The following CDK6 variants were observed in gnomAD, a reference collection of about 807,000 sequenced individuals.
CDK6 encodes the protein cyclin-dependent kinase 6.
In CDK6, 6 loss-of-function variants were observed where a neutral mutation model predicts 37.1. The ratio of observed to expected loss-of-function variants is 0.16; its 90% CI spans 0.09 to 0.32. The LOEUF is 0.32. CDK6 is among the 10% of genes least tolerant of loss of function. The pLI is 1.00. For missense variants in CDK6, 224 were observed against 418.9 expected (o/e 0.53, Z 4.06); for synonymous variants, 160 against 161.3 (o/e 0.99, Z 0.06).
intron 3 of CDK6, among the ~76,000 whole-genome samples, chr7:92,728,937 T>C (rs115232354): frequency 0.025 from 3,857 of 152,232 alleles, 175 homozygotes; most frequent in African/African-American, 0.089. Flanking sequence ...TGTGAACCTG[T>C]AATAAGCATG....
chr7:92,688,514 T>C (rs1035419212), intron 4 of CDK6, among the ~76,000 whole-genome samples: 2 of 151,040 alleles, frequency 1.3e-5, no homozygotes, highest in African/African-American at 4.9e-5. Context: ...TATGTCGGAC[T>C]TAGCAAACTC....
intron 4 of CDK6, among the ~76,000 whole-genome samples, chr7:92,709,880 G>A (rs568302492): frequency 5.9e-5 from 9 of 152,232 alleles, no homozygotes; most frequent in African/African-American, 2.2e-4. Context: ...TGGTGGGTGT[G>A]GTAAGCAATC....
chr7:92,626,859 GATTTAGTTTTA>G (rs2116502613), intron 5 of CDK6, among the ~76,000 whole-genome samples: 1 of 152,098 alleles, frequency 6.6e-6, no homozygotes, highest in Admixed American at 6.6e-5. Context: ...GAAGGTAACT[GATTTAGTTTTA>G]AATATTTTCC....
intron 5 of CDK6, among the ~76,000 whole-genome samples, chr7:92,668,772 A>C (rs556937066): frequency 5.9e-5 from 9 of 152,140 alleles, no homozygotes; most frequent in Non-Finnish European, 1.3e-4. Context: ...CATAAGTAAG[A>C]AGCATGACAC....
At chr7:92,812,314 T>C (rs367805500) in intron 2 of CDK6, among the ~76,000 whole-genome samples, 1 of 152,214 alleles carries the variant, frequency 6.6e-6, no homozygotes, top group African/African-American at 2.4e-5. Context: ...ACATTTGACC[T>C]CCTCTCTTAG....
At chr7:92,728,767 T>G (rs967849757) in intron 3 of CDK6, among the ~76,000 whole-genome samples, 7 of 152,230 alleles carry the variant, frequency 4.6e-5, no homozygotes, top group Non-Finnish European at 8.8e-5. Context: ...ACTTAAATTT[T>G]TTTTTTGTTT....
At chr7:92,794,115 T>C (rs1173342239) in intron 2 of CDK6, among the ~76,000 whole-genome samples, 1 of 152,160 alleles carries the variant, frequency 6.6e-6, no homozygotes, top group Non-Finnish European at 1.5e-5. Context: ...GATAAAGAAG[T>C]GTGTTCTGCT....
intron 4 of CDK6, among the ~76,000 whole-genome samples, chr7:92,724,128 C>T (rs879384385): frequency 2.0e-5 from 3 of 152,094 alleles, no homozygotes; most frequent in Admixed American, 6.6e-5. Flanking sequence ...CCCAGGGCCC[C>T]AAAACAACAT....
chr7:92,624,850 T>C (rs1795889353), intron 5 of CDK6, among the ~76,000 whole-genome samples: 1 of 152,166 alleles, frequency 6.6e-6, no homozygotes, highest in Admixed American at 6.6e-5. Context: ...AGGAGAAATG[T>C]AGTAGTACAA....
chr7:92,685,215 T>C (rs1465492755), intron 4 of CDK6, among the ~76,000 whole-genome samples: 3 of 152,222 alleles, frequency 2.0e-5, no homozygotes, highest in Non-Finnish European at 4.4e-5. Flanking sequence ...TTTCTTAAAA[T>C]TGTCTCAGTT....
chr7:92,821,480 C>T (rs546209360), intron 2 of CDK6, among the ~76,000 whole-genome samples: 1 of 152,056 alleles, frequency 6.6e-6, no homozygotes, highest in African/African-American at 2.4e-5. Context: ...CAATATTAAC[C>T]AGAAAAATTG....
At chr7:92,684,770 T>TGACATGGGCAGCTGGTGAGATG in intron 4 of CDK6, among the ~76,000 whole-genome samples, 2 of 152,148 alleles carry the variant, frequency 1.3e-5, no homozygotes, top group Non-Finnish European at 2.9e-5. Context: ...AGACTAGAGC[T>TGACATGGGCAGCTGGTGAGATG]GTGGAAATAG....
intron 4 of CDK6, among the ~76,000 whole-genome samples, chr7:92,673,450 T>C (rs1474168697): frequency 1.3e-5 from 2 of 152,262 alleles, no homozygotes; most frequent in Middle Eastern, 3.4e-3. Context: ...GGGATGGTTG[T>C]GATATAATAG....
intron 2 of CDK6, among the ~76,000 whole-genome samples, chr7:92,813,874 G>A (rs1294583362): frequency 6.6e-6 from 1 of 152,052 alleles, no homozygotes; most frequent in Non-Finnish European, 1.5e-5. Context: ...GACTGGCTGA[G>A]ACTTCATAGG....
Position 92,833,185 on chromosome 7 carries a change from C to A in CDK6, c.139G>T (p.Val47Leu). 1.2e-6 allele frequency: 2 copies of A among 1,609,496 alleles called. No individual in the cohort carries two copies. The highest frequency in any genetic ancestry group is 1.7e-6 in the Non-Finnish European group (2 of 1,178,596). ...GRFVALKRVR[V>L]QTGEEGMPLS... ...GGCATGCCCTCCTCGCCGGTCTGCA[C>A]CCGCACGCGCTTCAACGCCACGAAA... Residue 47 changes from valine to leucine, a missense_variant, in exon 2 of 8, where the codon GTG becomes TTG. Physicochemically the swap from Val to Leu is conservative, Grantham distance 32. Coordinates refer to ENST00000424848, the MANE Select transcript of CDK6 (RefSeq NM_001145306.2). The surrounding 1 kb of genome is among the most constrained non-coding windows in gnomAD (Gnocchi z 6.1).
At chr7:92,828,291 T>A (rs991798107) in intron 2 of CDK6, among the ~76,000 whole-genome samples, 2 of 152,216 alleles carry the variant, frequency 1.3e-5, no homozygotes, top group African/African-American at 2.4e-5. Context: ...TTTATCGTTA[T>A]GTCATTCATT....
intron 2 of CDK6, among the ~76,000 whole-genome samples, chr7:92,809,404 T>C (rs1184019475): frequency 6.6e-6 from 1 of 152,240 alleles, no homozygotes; most frequent in Non-Finnish European, 1.5e-5. Context: ...AGACCTATTC[T>C]GGACCATTCA....
At chr7:92,741,337 T>G (rs1798922627) in intron 3 of CDK6, among the ~76,000 whole-genome samples, 1 of 152,202 alleles carries the variant, frequency 6.6e-6, no homozygotes, top group Non-Finnish European at 1.5e-5. Context: ...TAAGGTAAAT[T>G]TGCATTTCTG....
At position 92,779,823 on chromosome 7, in the gene CDK6, AT is replaced by A. The variant is rs1482152065; in HGVS notation, c.234-4993del. 1.4e-4 allele frequency among the ~76,000 whole-genome samples: 22 copies of A among 152,326 alleles called. 1 individual carries two copies. In the South Asian group the frequency reaches 4.6e-3, roughly 32 times the overall value. On this transcript the variant is annotated intron_variant, in intron 2 of 7. Transcript: ENST00000424848. ...ATTAGTCACAATGGGTAGGAAATGC[AT>A]TTTGAATCAATGGTTGTAAACATTA...
Sources: gnomAD v4.1 joint callset for allele counts (sites outside exome capture counted in the v4.1 genomes callset) on GRCh38, gnomAD v4.1.1 for gene constraint, Gnocchi (gnomAD v3.1) non-coding constraint, MANE v1.5 for transcripts, NCBI Gene and HGNC (gene_info 2026-07-23, HGNC 2026-07-21) for gene names.